The following CLEC16A variants were observed in gnomAD, a reference collection of about 807,000 sequenced individuals.
CLEC16A encodes the protein protein CLEC16A.
In CLEC16A, 51 loss-of-function variants were observed where a neutral mutation model predicts 109.5. The ratio of observed to expected loss-of-function variants is 0.47; its 90% CI spans 0.37 to 0.59. The LOEUF (loss-of-function observed/expected upper bound fraction) is 0.59. Ranked by LOEUF, CLEC16A falls within the 20% of genes least tolerant of loss-of-function variation. The pLI is 0.00. For synonymous variants in CLEC16A, 673 were observed against 564.2 expected (o/e 1.19, Z -2.73); for missense variants, 1,339 against 1,394.0 (o/e 0.96, Z 0.63).
intron 17 of CLEC16A, chr16:11,047,552 C>T: frequency 5.0e-6 from 2 of 402,388 alleles, no homozygotes; most frequent in Non-Finnish European, 8.8e-6. Flanking sequence ...TGGGAGGTGT[C>T]CGATGAATCA....
intron 23 of CLEC16A, among the ~76,000 whole-genome samples, chr16:11,167,359 T>A (rs1358429581): frequency 1.3e-5 from 2 of 152,096 alleles, no homozygotes; most frequent in Non-Finnish European, 2.9e-5. Flanking sequence ...TGACTGGAGA[T>A]CCTTAGTATC....
At chr16:11,118,184 G>A (rs1297343937) in intron 19 of CLEC16A, among the ~76,000 whole-genome samples, 2 of 151,934 alleles carry the variant, frequency 1.3e-5, no homozygotes, top group Non-Finnish European at 2.9e-5. Flanking sequence ...GAACTCCTGG[G>A]CTCAAGCATT....
At chr16:11,033,895 C>G (rs1324855581) in intron 13 of CLEC16A, among the ~76,000 whole-genome samples, 5 of 152,186 alleles carry the variant, frequency 3.3e-5, no homozygotes, top group African/African-American at 1.2e-4. Context: ...GCAGCCTTCG[C>G]TCTTCTATCA....
chr16:11,133,638 T>A (rs1350794595), intron 22 of CLEC16A, among the ~76,000 whole-genome samples: 1 of 152,214 alleles, frequency 6.6e-6, no homozygotes, highest in Non-Finnish European at 1.5e-5. Context: ...AGACATCAGT[T>A]CAGACCTCCC....
At position 10,944,628 on chromosome 16, in the gene CLEC16A, T is replaced by A. The variant is rs200880172; in HGVS notation, c.-90T>A. On this transcript the variant is annotated 5_prime_UTR_variant, in exon 1 of 24. Transcript: ENST00000409790. ...TTCCTCCACCGCCTCCGCCGCCGCATCCTCCGCTTGTGCTACCGCCGCGGG... is the reference window on the plus strand; with the variant it reads ...TTCCTCCACCGCCTCCGCCGCCGCAACCTCCGCTTGTGCTACCGCCGCGGG... 148 of 1,276,372 alleles carry A rather than the reference T, an allele frequency of 1.2e-4. No individual in the cohort carries two copies. In the Middle Eastern group the frequency reaches 1.4e-3, roughly 12 times the overall value. The allele number at this position is 1,276,372 out of a possible 1,614,324, so 79.1% of individuals were successfully genotyped here.
intron 19 of CLEC16A, among the ~76,000 whole-genome samples, chr16:11,063,235 A>G (rs574908800): frequency 2.0e-5 from 3 of 148,848 alleles, no homozygotes; most frequent in East Asian, 4.0e-4. Flanking sequence ...CTAGGATAAG[A>G]TATGCCTGTA....
chr16:10,995,677 A>G (rs59227474), intron 10 of CLEC16A, among the ~76,000 whole-genome samples: 26,559 of 152,060 alleles, frequency 0.17, 2,481 homozygotes, highest in South Asian at 0.3. Context: ...GGCGTGTGAT[A>G]TGGAACTACT....
At chr16:10,974,703 G>C (rs1567527056) in intron 7 of CLEC16A, among the ~76,000 whole-genome samples, 2 of 152,256 alleles carry the variant, frequency 1.3e-5, no homozygotes, top group Non-Finnish European at 2.9e-5. Flanking sequence ...GACCAGGGCA[G>C]ACCCATTGGA....
In CLEC16A at chr16:11,173,395, G is replaced by A. The variant is rs546729461; in HGVS notation, c.2807-4940G>A. On this transcript the variant is annotated intron_variant, in intron 23 of 23. Transcript: ENST00000409790. Reference sequence around the variant, plus strand: ...CTCCGAGAGTGTGGTTTCTCCCTTCGCAGTGAGATGCTCCCGACGTTTTTA... The same window carrying A: ...CTCCGAGAGTGTGGTTTCTCCCTTCACAGTGAGATGCTCCCGACGTTTTTA... Among the ~76,000 whole-genome samples, 141 of 152,098 alleles carry A rather than the reference G, an allele frequency of 9.3e-4. No homozygotes were observed. In the Middle Eastern group the frequency reaches 0.01, roughly 11 times the overall value.
At chr16:11,071,411 A>C (rs1245651977) in intron 19 of CLEC16A, among the ~76,000 whole-genome samples, 1 of 152,164 alleles carries the variant, frequency 6.6e-6, no homozygotes, top group Admixed American at 6.5e-5. Context: ...GGAAGACCAA[A>C]AAAGAGGGGG....
rs1031481856 is a variant in CLEC16A at position 11,144,944 on chromosome 16, C to T, written c.2641+18798C>T. Among the ~76,000 whole-genome samples, 3 of 152,108 alleles carry T rather than the reference C, an allele frequency of 2.0e-5. No homozygotes were observed. The South Asian group carries it at 6.2e-4, about 32-fold the overall frequency. ...TCATGGAGTTCATGGTGTCCTGGGG[C>T]TAACTCACTTTTGTACCAGACCTAG... is the stretch of plus-strand genomic sequence containing the variant. On this transcript the variant is annotated intron_variant, in intron 22 of 23. Transcript: ENST00000409790.
chr16:11,024,592 T>A (rs2152811714), intron 12 of CLEC16A: 1 of 453,278 alleles, frequency 2.2e-6, no homozygotes, highest in South Asian at 2.6e-5. Context: ...GTTGTGTGAC[T>A]AAGCAAGCAG....
intron 10 of CLEC16A, among the ~76,000 whole-genome samples, chr16:11,000,604 C>G (rs1055023534): frequency 1.3e-5 from 2 of 152,290 alleles, no homozygotes; most frequent in Non-Finnish European, 2.9e-5. Context: ...TGCTGTCTGT[C>G]AAGCAGTGCA....
chr16:11,177,035 C>T (rs1356771589), intron 23 of CLEC16A, among the ~76,000 whole-genome samples: 4 of 152,178 alleles, frequency 2.6e-5, no homozygotes, highest in Non-Finnish European at 5.9e-5. Flanking sequence ...AAAAAAAATT[C>T]TACCATGCTT....
chr16:11,178,216 C>A lies in CLEC16A; in HGVS notation c.2807-119C>A. The A allele has an allele frequency of 2.3e-6, 2 of 864,112 alleles. No homozygotes were observed. The highest frequency in any genetic ancestry group is 3.7e-6 in the Non-Finnish European group (2 of 546,910). The allele number at this position is 864,112 out of a possible 1,614,324, so 53.5% of individuals were successfully genotyped here. On this transcript the variant is annotated intron_variant, in intron 23 of 23. Coordinates refer to ENST00000409790, the MANE Select transcript of CLEC16A (RefSeq NM_015226.3). This position sits in a 1 kb window ranked among gnomAD's most constrained non-coding sequence, Gnocchi z 6.5. ...GTGGAGCCACGCTGAGCCCTCACGC[C>A]AGCCAGCCACCTCCCACCTAGCTCA...
At chr16:11,085,217 G>A (rs1327957972) in intron 19 of CLEC16A, among the ~76,000 whole-genome samples, 5 of 152,228 alleles carry the variant, frequency 3.3e-5, no homozygotes, top group Non-Finnish European at 7.3e-5. Context: ...GGAGGATCAC[G>A]GGAAGGGGGC....
intron 11 of CLEC16A, 121 bp from the exon 12 acceptor site, chr16:11,020,072 G>A (rs969927184): frequency 4.6e-5 from 54 of 1,176,722 alleles, no homozygotes; most frequent in South Asian, 9.7e-5. Context: ...CGCTGCTGTC[G>A]GACATGTGCT....
intron 22 of CLEC16A, among the ~76,000 whole-genome samples, chr16:11,163,860 G>A (rs537442952): frequency 1.3e-5 from 2 of 152,314 alleles, no homozygotes; most frequent in South Asian, 4.1e-4. Flanking sequence ...TAAATAGGCA[G>A]CTCGGGAAAA....
intron 2 of CLEC16A, among the ~76,000 whole-genome samples, chr16:10,959,014 G>GGGGTGTGTGT (rs756181813): frequency 6.8e-6 from 1 of 146,190 alleles, no homozygotes; most frequent in African/African-American, 2.5e-5. Flanking sequence ...ACTAAACACG[G>GGGGTGTGTGT]GTGTGTGTGT....
Sources: gnomAD v4.1 joint callset for allele counts (sites outside exome capture counted in the v4.1 genomes callset) on GRCh38, gnomAD v4.1.1 for gene constraint, Gnocchi (gnomAD v3.1) non-coding constraint, MANE v1.5 for transcripts, NCBI Gene and HGNC (gene_info 2026-07-23, HGNC 2026-07-21) for gene names.